The following KCNH5 variants were observed in gnomAD, a reference collection of about 807,000 sequenced individuals.
The protein encoded by KCNH5 is potassium voltage-gated channel subfamily H member 5.
In KCNH5, 46 loss-of-function variants were observed where a neutral mutation model predicts 96.1. That is an observed-to-expected ratio of 0.48 (90% CI 0.38 to 0.61). The LOEUF (loss-of-function observed/expected upper bound fraction) is 0.61, where lower values mean the gene tolerates loss of function less well. Among genes scored for constraint, KCNH5 ranks in the 20% least tolerant of loss-of-function variants. The pLI, the probability that KCNH5 is intolerant of heterozygous loss-of-function variation, is 0.00. For synonymous variants in KCNH5, 439 were observed against 449.8 expected, an observed-to-expected ratio of 0.98 and a Z score of 0.30; for missense variants, 907 against 1,225.8, an observed-to-expected ratio of 0.74 and a Z score of 3.88.
intron 7 of KCNH5, among the ~76,000 whole-genome samples, chr14:62,853,481 C>CATATATATATATATATCAT (rs1306077655): frequency 2.4e-5 from 1 of 41,316 alleles, no homozygotes; most frequent in African/African-American, 8.6e-5. Context: ...ATATATATAT[C>CATATATATATATATATCAT]ATATATATAT....
intron 7 of KCNH5, among the ~76,000 whole-genome samples, chr14:62,885,996 A>C (rs1161137899): frequency 6.6e-6 from 1 of 152,204 alleles, no homozygotes; most frequent in Non-Finnish European, 1.5e-5. Flanking sequence ...TCCCTAATGT[A>C]ATAATTTCTG....
chr14:62,889,324 G>A (rs1437114460), intron 7 of KCNH5, among the ~76,000 whole-genome samples: 1 of 152,180 alleles, frequency 6.6e-6, no homozygotes, highest in Non-Finnish European at 1.5e-5. Context: ...CAAAAGGAAT[G>A]AAAACCTCCC....
At chr14:62,938,139 T>C (rs1001401120) in intron 7 of KCNH5, among the ~76,000 whole-genome samples, 1 of 152,146 alleles carries the variant, frequency 6.6e-6, no homozygotes, top group African/African-American at 2.4e-5. Context: ...AATTAGACCT[T>C]CACAGCTTAA....
intron 7 of KCNH5, among the ~76,000 whole-genome samples, chr14:62,937,997 G>A (rs1889716963): frequency 6.6e-6 from 1 of 152,124 alleles, no homozygotes; most frequent in Non-Finnish European, 1.5e-5. Flanking sequence ...AGTTCCCGAG[G>A]TCTACTATTC....
intron 1 of KCNH5, among the ~76,000 whole-genome samples, chr14:63,032,934 T>C (rs1221677215): frequency 2.0e-5 from 3 of 152,168 alleles, no homozygotes; most frequent in Non-Finnish European, 4.4e-5. Context: ...CCTACCTCCA[T>C]CTGCACGCAA....
At chr14:63,006,104 T>C (rs1329263443) in intron 3 of KCNH5, among the ~76,000 whole-genome samples, 2 of 152,350 alleles carry the variant, frequency 1.3e-5, no homozygotes, top group East Asian at 3.9e-4. Context: ...ATTATAAGTA[T>C]TAATTACAAA....
chr14:62,945,675 GT>G (rs1156712891), intron 7 of KCNH5, among the ~76,000 whole-genome samples: 3 of 152,114 alleles, frequency 2.0e-5, no homozygotes, highest in African/African-American at 7.2e-5. Flanking sequence ...GCATTGAGGT[GT>G]TTTTTTATAG....
intron 5 of KCNH5, among the ~76,000 whole-genome samples, chr14:62,982,755 A>T (rs188772030): frequency 6.6e-6 from 1 of 152,300 alleles, no homozygotes; most frequent in East Asian, 1.9e-4. Flanking sequence ...GATATGGAAA[A>T]CATCACTGGT....
intron 6 of KCNH5, among the ~76,000 whole-genome samples, chr14:62,977,058 CA>C (rs1374619734): frequency 1.3e-5 from 2 of 152,078 alleles, no homozygotes; most frequent in Non-Finnish European, 2.9e-5. Flanking sequence ...CTATAAAATG[CA>C]TATTTGCAGT....
chr14:62,897,137 A>G (rs1303746036), intron 7 of KCNH5, among the ~76,000 whole-genome samples: 1 of 152,214 alleles, frequency 6.6e-6, no homozygotes, highest in Non-Finnish European at 1.5e-5. Context: ...CTCCCCATTA[A>G]TAGCCAGTGT....
At chr14:62,785,193 A>G (rs1176053433) in intron 9 of KCNH5, among the ~76,000 whole-genome samples, 1 of 152,188 alleles carries the variant, frequency 6.6e-6, no homozygotes, top group Non-Finnish European at 1.5e-5. Flanking sequence ...TTCTGGGACT[A>G]TGGTCATCTT....
intron 10 of KCNH5, among the ~76,000 whole-genome samples, chr14:62,748,372 G>A (rs554323204): frequency 8.5e-5 from 13 of 152,176 alleles, no homozygotes; most frequent in African/African-American, 2.2e-4. Flanking sequence ...TTCAGATATC[G>A]GGATATCTGG....
intron 9 of KCNH5, among the ~76,000 whole-genome samples, chr14:62,780,838 AC>A (rs1167802136): frequency 1.3e-5 from 2 of 152,138 alleles, no homozygotes; most frequent in Non-Finnish European, 2.9e-5. Flanking sequence ...TCTTTGTTCA[AC>A]TTCCACGTGA....
chr14:63,042,634 G>A (rs747206598), intron 1 of KCNH5, among the ~76,000 whole-genome samples: 4 of 152,068 alleles, frequency 2.6e-5, no homozygotes, highest in Non-Finnish European at 5.9e-5. Flanking sequence ...CCTTCAAAGT[G>A]ACAAACCTGA....
intron 7 of KCNH5, among the ~76,000 whole-genome samples, chr14:62,922,105 T>C (rs1274726443): frequency 6.6e-6 from 1 of 152,128 alleles, no homozygotes; most frequent in Non-Finnish European, 1.5e-5. Context: ...TTCCACCTTA[T>C]ACAGTGCATT....
intron 8 of KCNH5, among the ~76,000 whole-genome samples, chr14:62,806,584 A>G (rs545711473): frequency 4.6e-4 from 70 of 152,216 alleles, no homozygotes; most frequent in Non-Finnish European, 8.2e-4. Context: ...CACTGACTGG[A>G]TAACTTTGGG....
intron 8 of KCNH5, among the ~76,000 whole-genome samples, chr14:62,817,155 A>G (rs1261023394): frequency 1.4e-5 from 2 of 139,306 alleles, no homozygotes; most frequent in Non-Finnish European, 3.1e-5. Flanking sequence ...ATACACACAT[A>G]TACATAATAT....
chr14:62,953,163 T>C (rs1433313349), intron 6 of KCNH5, among the ~76,000 whole-genome samples: 2 of 151,498 alleles, frequency 1.3e-5, no homozygotes, highest in African/African-American at 4.8e-5. Flanking sequence ...ATACATAAAG[T>C]ATATATAAAA....
chr14:62,947,017 A>T (rs1323701051), intron 7 of KCNH5, among the ~76,000 whole-genome samples: 1 of 152,144 alleles, frequency 6.6e-6, no homozygotes, highest in East Asian at 1.9e-4. Context: ...AAACCTGCAC[A>T]TGTGATAAAA....
Sources: gnomAD v4.1 joint callset for allele counts (sites outside exome capture counted in the v4.1 genomes callset) on GRCh38, gnomAD v4.1.1 for gene constraint, MANE v1.5 for transcripts, NCBI Gene and HGNC (gene_info 2026-07-23, HGNC 2026-07-21) for gene names.